DGKG: variants seen among roughly 807,000 people sequenced by gnomAD.
The protein encoded by DGKG is diacylglycerol kinase gamma, also known as DAG kinase gamma.
In DGKG, 78 loss-of-function variants were observed where a neutral mutation model predicts 105.3. That is an observed-to-expected ratio of 0.74 (90% confidence interval 0.62 to 0.89). DGKG has a LOEUF of 0.89. DGKG is among the 40% of genes least tolerant of loss of function. The pLI is 0.00. For synonymous variants in DGKG, 346 were observed against 367.1 expected (o/e 0.94, Z 0.66); for missense variants, 958 against 1,020.1 (o/e 0.94, Z 0.83).
chr3:186,353,757 C>G (rs1422949745), intron 1 of DGKG, among the ~76,000 whole-genome samples: 1 of 151,594 alleles, frequency 6.6e-6, no homozygotes. Context: ...GATCCTATCC[C>G]AAGAAATGAG....
At chr3:186,270,513 G>T (rs549482794) in intron 11 of DGKG, among the ~76,000 whole-genome samples, 1 of 152,328 alleles carries the variant, frequency 6.6e-6, no homozygotes, top group Admixed American at 6.5e-5. Context: ...TATTGCTTTG[G>T]AAGATGTGTC....
chr3:186,358,297 G>A (rs1260975959), intron 1 of DGKG, among the ~76,000 whole-genome samples: 1 of 152,274 alleles, frequency 6.6e-6, no homozygotes, highest in East Asian at 1.9e-4. Flanking sequence ...CACAGGTGCT[G>A]TGGATTCAGG....
chr3:186,294,999 T>C (rs1429872318), intron 5 of DGKG, among the ~76,000 whole-genome samples: 1 of 152,190 alleles, frequency 6.6e-6, no homozygotes, highest in Non-Finnish European at 1.5e-5. Flanking sequence ...TCCCCAACCA[T>C]GCTCTGCTTT....
intron 3 of DGKG, 28 bp downstream of exon 3, chr3:186,306,873 T>TA: frequency 6.5e-7 from 1 of 1,529,250 alleles, no homozygotes; most frequent in Non-Finnish European, 9.0e-7. Context: ...CAGGGGTTTT[T>TA]AAAGGCTTAA....
chr3:186,233,597 A>G (rs1297526466), intron 20 of DGKG, among the ~76,000 whole-genome samples: 2 of 152,136 alleles, frequency 1.3e-5, no homozygotes, highest in Non-Finnish European at 2.9e-5. Context: ...CTCCTGCCTC[A>G]GCCTCCCGAG....
At position 186,261,791 on chromosome 3, in the gene DGKG, A is replaced by G; in HGVS notation, c.1270-13T>C. On this transcript the variant is annotated splice_polypyrimidine_tract_variant and intron_variant, in intron 14 of 24. Transcript: ENST00000265022. ...GGATGATCTTATACTTGAAAGGTAA[A>G]AGAAAAAGAAATTAGCTCTGCTTCA... The G allele has an allele frequency of 6.4e-7, 1 of 1,559,096 alleles. No homozygotes were observed. The highest frequency in any genetic ancestry group is 1.2e-5 in the South Asian group (1 of 85,246).
At chr3:186,264,581 C>T (rs367940983) in intron 14 of DGKG, among the ~76,000 whole-genome samples, 9 of 152,248 alleles carry the variant, frequency 5.9e-5, no homozygotes, top group East Asian at 3.9e-4. Flanking sequence ...TTTCACAACA[C>T]GTGAATCTGT....
chr3:186,224,797 C>T (rs1719771929), intron 20 of DGKG, among the ~76,000 whole-genome samples: 1 of 128,534 alleles, frequency 7.8e-6, no homozygotes, highest in African/African-American at 2.9e-5. Flanking sequence ...ACCAATGCTA[C>T]ATACTTTAAT....
intron 1 of DGKG, among the ~76,000 whole-genome samples, chr3:186,334,253 C>T (rs139409286): frequency 1.1e-3 from 171 of 152,238 alleles, no homozygotes; most frequent in Middle Eastern, 3.4e-3. Context: ...CATTCAAACC[C>T]ATGTCTGTCT....
rs1429167279 is a variant in DGKG, at chr3:186,294,064, G to T, written c.373+3357C>A. On this transcript the variant is annotated intron_variant, in intron 5 of 24. Transcript: ENST00000265022. The stretch of plus-strand genomic sequence containing the variant: ...GATTTTTCCCATACACAAGGAAAAT[G>T]GTACATGACAAAATCACTTCTCCAG... Among the ~76,000 whole-genome samples, 4 of 152,296 alleles carry T rather than the reference G, an allele frequency of 2.6e-5. No individual in the cohort carries two copies. In the East Asian group the frequency reaches 7.7e-4, roughly 29 times the overall value.
At chr3:186,236,578 A>G (rs1720431267) in intron 20 of DGKG, among the ~76,000 whole-genome samples, 1 of 152,268 alleles carries the variant, frequency 6.6e-6, no homozygotes, top group South Asian at 2.1e-4. Flanking sequence ...GCCTTCTTCT[A>G]TAAATAGTTA....
chr3:186,330,896 G>T (rs6803127), intron 1 of DGKG, among the ~76,000 whole-genome samples: 1 of 152,000 alleles, frequency 6.6e-6, no homozygotes, highest in Non-Finnish European at 1.5e-5. Context: ...GGAGCAACAA[G>T]ATTTTGGGGC....
intron 23 of DGKG, among the ~76,000 whole-genome samples, chr3:186,162,943 C>A (rs771271719): frequency 2.2e-4 from 34 of 152,212 alleles, no homozygotes; most frequent in Non-Finnish European, 4.4e-4. Context: ...TAGGAATACT[C>A]TCCCCAGAGG....
At chr3:186,305,315 A>G (rs1724176331) in intron 3 of DGKG, among the ~76,000 whole-genome samples, 1 of 152,194 alleles carries the variant, frequency 6.6e-6, no homozygotes, top group Non-Finnish European at 1.5e-5. Context: ...ATAATGGACA[A>G]TGTGATGTGC....
intron 20 of DGKG, 35 bp downstream of exon 20, chr3:186,242,469 G>GGGT: frequency 6.3e-7 from 1 of 1,581,674 alleles, no homozygotes. Flanking sequence ...GGGCCACACT[G>GGGT]GGTGGGTGGC....
intron 21 of DGKG, among the ~76,000 whole-genome samples, chr3:186,202,489 G>T (rs1014328319): frequency 6.6e-6 from 1 of 152,192 alleles, no homozygotes; most frequent in East Asian, 1.9e-4. Context: ...CTTCCCTGAG[G>T]TTCCCAAATC....
intron 3 of DGKG, among the ~76,000 whole-genome samples, chr3:186,303,461 C>T (rs1314847086): frequency 6.6e-6 from 1 of 152,194 alleles, no homozygotes. Flanking sequence ...TGTGTTAATC[C>T]TTACACAGAC....
In DGKG at chr3:186,172,247, G is replaced by A. The variant is rs138837960; in HGVS notation, c.2096-7229C>T. Among the ~76,000 whole-genome samples the A allele has an allele frequency of 2.0e-5, 3 of 152,306 alleles. No homozygotes were observed. The East Asian group carries it at 5.8e-4, about 29-fold the overall frequency. On this transcript the variant is annotated intron_variant, in intron 22 of 24. Transcript: ENST00000265022. Reference sequence around the variant, plus strand: ...TGGACTCGCCTTTTGCAATGCCTTTGGGAAGTGTGGGATATCCTTAGCTTA... The same window carrying A: ...TGGACTCGCCTTTTGCAATGCCTTTAGGAAGTGTGGGATATCCTTAGCTTA...
At chr3:186,254,622 T>C (rs1368771255) in intron 17 of DGKG, among the ~76,000 whole-genome samples, 1 of 152,140 alleles carries the variant, frequency 6.6e-6, no homozygotes, top group Non-Finnish European at 1.5e-5. Flanking sequence ...TCACATTCTA[T>C]GTGTTGTCTC....
Sources: allele counts gnomAD v4.1 joint callset (sites outside exome capture counted in the v4.1 genomes callset), GRCh38; gene constraint gnomAD v4.1.1; transcripts MANE v1.5; gene names NCBI Gene and HGNC (gene_info 2026-07-23, HGNC 2026-07-21).